UNC13A: variants seen among roughly 807,000 people sequenced by gnomAD.
UNC13A encodes the protein protein unc-13 homolog A.
A neutral mutation model predicts 219.7 loss-of-function variants in UNC13A; 61 were observed. That is an observed-to-expected ratio of 0.28 (90% CI 0.23 to 0.34). The LOEUF (loss-of-function observed/expected upper bound fraction) is 0.34. Ranked by LOEUF, UNC13A falls within the 10% of genes least tolerant of loss-of-function variation. The pLI is 1.00. For missense variants in UNC13A, 1,476 were observed against 2,270.3 expected, an observed-to-expected ratio of 0.65 and a Z score of 7.11; for synonymous variants, 920 against 884.6, an observed-to-expected ratio of 1.04 and a Z score of -0.71.
In UNC13A at chr19:17,626,668, A is replaced by C. The variant is rs532443826; in HGVS notation, c.4038T>G (p.Asn1346Lys). The C allele has an allele frequency of 6.4e-7, 1 of 1,571,062 alleles. No homozygotes were observed. The highest frequency in any genetic ancestry group is 1.3e-5 in the African/African-American group (1 of 74,170). The change falls in exon 34 of 44, where the codon AAT becomes AAG. Residue 1346 changes from asparagine (N) to lysine (K), a missense_variant. By Grantham distance (94) the Asn-to-Lys change is moderately conservative. Around this residue, in one of 14 missense-constraint regions of UNC13A, gnomAD observed 218 missense variants for 409.4 expected, o/e 0.53. Coordinates refer to ENST00000519716, the MANE Select transcript of UNC13A (RefSeq NM_001080421.3). Reference protein sequence around the residue: ...ACSSVAQDADNVLQPIMDLLD... With the variant: ...ACSSVAQDADKVLQPIMDLLD... ...GCAGGTCCATGATGGGCTGCAACAC[A>C]TTGTCCGCGTCCTGGGCCACGCTGC...
chr19:17,646,394 C>G (rs2077027065), intron 17 of UNC13A, among the ~76,000 whole-genome samples: 1 of 152,110 alleles, frequency 6.6e-6, no homozygotes, highest in African/African-American at 2.4e-5. Flanking sequence ...GCTGGGATTA[C>G]CCGCACGTGC....
chr19:17,632,643 G>A (rs1464164899), intron 28 of UNC13A, 139 bp downstream of exon 28: 28 of 1,272,860 alleles, frequency 2.2e-5, no homozygotes. Flanking sequence ...GGCTGAGAGT[G>A]GAGAACACTG....
At chr19:17,631,189 TC>T (rs775175898) in intron 28 of UNC13A, among the ~76,000 whole-genome samples, 10,094 of 30,354 alleles carry the variant, frequency 0.33, 1,939 homozygotes, top group African/African-American at 0.46. Context: ...TTTCCTTCCT[TC>T]CCTCCCTCCC....
At chr19:17,652,431 C>T (rs2145857034) in intron 12 of UNC13A, among the ~76,000 whole-genome samples, 200 bp downstream of exon 12, 1 of 152,262 alleles carries the variant, frequency 6.6e-6, no homozygotes, top group East Asian at 1.9e-4. Flanking sequence ...CGCACCCCGC[C>T]CTGTCTTCAA....
In UNC13A at chr19:17,636,177, C is replaced by T; in HGVS notation, c.3082-20G>A. ...CTTGGCCTGAAATGGACAGTGGAGA[C>T]CTCGGTTATAGGGGGTCCAGAGGTT... On this transcript the variant is annotated intron_variant, in intron 25 of 43. Transcript: ENST00000519716. 1 of 1,578,992 alleles carries T rather than the reference C, an allele frequency of 6.3e-7. No individual in the cohort carries two copies. Among genetic ancestry groups the T allele is most frequent in the Non-Finnish European group, 8.6e-7 (1 of 1,161,000 alleles).
intron 41 of UNC13A, chr19:17,616,352 GGGCGCAGGCACCGGGCACCA>G: frequency 2.9e-6 from 2 of 682,878 alleles, no homozygotes; most frequent in Non-Finnish European, 5.3e-6. Flanking sequence ...GGGCCAGGAG[GGGCGCAGGCACCGGGCACCA>G]GGCGCGGGCG....
intron 11 of UNC13A, among the ~76,000 whole-genome samples, chr19:17,653,804 T>C (rs923891950): frequency 3.3e-5 from 5 of 150,086 alleles, no homozygotes; most frequent in African/African-American, 1.2e-4. Flanking sequence ...GAAATAAATA[T>C]TTTGGATATC....
intron 1 of UNC13A, among the ~76,000 whole-genome samples, chr19:17,686,307 CCCCCCCCCCCA>C (rs1568278782): frequency 5.9e-5 from 3 of 50,964 alleles, no homozygotes; most frequent in African/African-American, 4.4e-4. Flanking sequence ...CGCCCCCCCC[CCCCCCCCCCCA>C]CTCCACTAGG....
intron 17 of UNC13A, among the ~76,000 whole-genome samples, 175 bp downstream of exon 17, chr19:17,647,090 C>A (rs953270097): frequency 2.0e-5 from 3 of 152,198 alleles, no homozygotes; most frequent in African/African-American, 4.8e-5. Context: ...CATGAACAGG[C>A]GTTTGGAGGC....
intron 41 of UNC13A, chr19:17,616,491 G>A (rs1568502128): frequency 3.1e-6 from 2 of 639,224 alleles, no homozygotes; most frequent in African/African-American, 1.8e-5. Flanking sequence ...GTGGAAGGGG[G>A]AGAGAGGTGG....
At chr19:17,653,987 C>T (rs546841940) in intron 11 of UNC13A, among the ~76,000 whole-genome samples, 28 of 151,946 alleles carry the variant, frequency 1.8e-4, no homozygotes, top group South Asian at 6.2e-4. Context: ...CAACCACAGC[C>T]GGCTAATTTT....
intron 36 of UNC13A, 34 bp from the exon 37 acceptor site, chr19:17,621,904 G>C: frequency 6.2e-7 from 1 of 1,612,888 alleles, no homozygotes; most frequent in Non-Finnish European, 8.5e-7. Flanking sequence ...GATCAACCTG[G>C]CAAGTCGTGC....
At chr19:17,647,606 G>T in intron 16 of UNC13A, 114 bp from the exon 17 acceptor site, 4 of 1,009,836 alleles carry the variant, frequency 4.0e-6, no homozygotes, top group Non-Finnish European at 5.8e-6. Context: ...GTCACCCCCT[G>T]AAGCCGGTTT....
rs1402835470 is a variant in UNC13A at position 17,658,143 on chromosome 19, C to A, written c.686G>T (p.Arg229Leu). ...CTCCCGGGAGCCCAGGGGTGGTGGG[C>A]GAACAGAATATTGGTGGACTGAGGC... The part of the protein sequence containing the change: ...PNASVHQYSV[R>L]PPPLGSRESY... Residue 229 changes from arginine (R) to leucine (L), a missense_variant, in exon 9 of 44, where the codon CGC (arginine) becomes CTC (leucine). By Grantham distance (102) the Arg-to-Leu change is moderately radical. This residue lies in a region of UNC13A where 351 missense variants were observed against 342.6 expected (regional missense o/e 1.02). Transcript: ENST00000519716. 1 of 1,613,780 alleles carries A rather than the reference C, an allele frequency of 6.2e-7. No individual in the cohort carries two copies. The highest frequency in any genetic ancestry group is 8.5e-7 in the Non-Finnish European group (1 of 1,179,844).
intron 26 of UNC13A, among the ~76,000 whole-genome samples, chr19:17,633,720 T>C (rs1400068719): frequency 6.6e-6 from 1 of 151,408 alleles, no homozygotes; most frequent in Non-Finnish European, 1.5e-5. Flanking sequence ...CATTCACCTA[T>C]CCATCTATCT....
chr19:17,644,677 G>A (rs2077006554), intron 19 of UNC13A, among the ~76,000 whole-genome samples: 2 of 151,506 alleles, frequency 1.3e-5, no homozygotes, highest in Admixed American at 6.6e-5. Context: ...GATTATAGGC[G>A]TGAGACACTG....
rs1335157245 is a variant in UNC13A at position 17,652,692 on chromosome 19, G to C, written c.1393-15C>G. 1.2e-6 allele frequency: 2 copies of C among 1,613,612 alleles called. No individual in the cohort carries two copies. Among genetic ancestry groups the C allele is most frequent in the Non-Finnish European group, 1.7e-6 (2 of 1,179,670 alleles). Reference sequence around the variant, plus strand: ...TCTCCCCGGGCCTGCAGGACAGACAGACAGATATGGTCAGTGTGGCTGTCC... The same window carrying C: ...TCTCCCCGGGCCTGCAGGACAGACACACAGATATGGTCAGTGTGGCTGTCC... On this transcript the variant is annotated splice_polypyrimidine_tract_variant and intron_variant, in intron 11 of 43. Transcript: ENST00000519716.
At chr19:17,630,492 C>T (rs544997863) in intron 29 of UNC13A, among the ~76,000 whole-genome samples, 162 bp downstream of exon 29, 12 of 152,294 alleles carry the variant, frequency 7.9e-5, no homozygotes, top group Admixed American at 7.8e-4. Context: ...TGATGGAACT[C>T]ACATTTTGTA....
intron 5 of UNC13A, 93 bp from the exon 6 acceptor site, chr19:17,668,283 C>A: frequency 8.1e-7 from 1 of 1,239,220 alleles, no homozygotes; most frequent in Non-Finnish European, 1.1e-6. Context: ...CGGGCCCTGG[C>A]TTCTGGGGTC....
Sources: allele counts gnomAD v4.1 joint callset (sites outside exome capture counted in the v4.1 genomes callset), GRCh38; gene constraint gnomAD v4.1.1; regional missense constraint gnomAD v4.1.1; transcripts MANE v1.5; gene names NCBI Gene and HGNC (gene_info 2026-07-23, HGNC 2026-07-21).